PDGFRL: variants seen among roughly 807,000 people sequenced by gnomAD.
PDGFRL encodes the protein platelet-derived growth factor receptor-like protein.
In PDGFRL, 46 loss-of-function variants were observed where a neutral mutation model predicts 37.2. The ratio of observed to expected loss-of-function variants is 1.24; its 90% CI spans 0.98 to 1.58. The LOEUF (loss-of-function observed/expected upper bound fraction) is 1.58, where lower values mean the gene tolerates loss of function less well. Among genes scored for constraint, PDGFRL ranks in the 40% most tolerant of loss-of-function variants. The pLI is 0.00. For missense variants in PDGFRL, 692 were observed against 467.6 expected, an observed-to-expected ratio of 1.48 and a Z score of -4.43; for synonymous variants, 251 against 184.3, an observed-to-expected ratio of 1.36 and a Z score of -2.93.
At chr8:17,578,597 T>C (rs557593508) in intron 1 of PDGFRL, among the ~76,000 whole-genome samples, 1 of 152,290 alleles carries the variant, frequency 6.6e-6, no homozygotes, top group South Asian at 2.1e-4. Context: ...AAATGTAATT[T>C]GTAGTATCAT....
At chr8:17,621,776 CT>C (rs1361897672) in intron 3 of PDGFRL, among the ~76,000 whole-genome samples, 1 of 152,136 alleles carries the variant, frequency 6.6e-6, no homozygotes, top group Non-Finnish European at 1.5e-5. Flanking sequence ...TGACCATCTT[CT>C]TTTTGGAAAC....
chr8:17,599,110 A>G lies in PDGFRL; in HGVS notation c.353+9345A>G, dbSNP rs535325528. ...CCTTCTCCCTCTTTATCCACATTGC[A>G]CCTTTATGTCTTTACTTCTCTCTCT... On this transcript the variant is annotated intron_variant, in intron 2 of 5. Transcript: ENST00000251630. 3.5e-4 allele frequency among the ~76,000 whole-genome samples: 53 copies of G among 152,186 alleles called. 1 individual carries two copies. The highest frequency in any genetic ancestry group is 6.9e-4 in the Non-Finnish European group (47 of 67,996).
At chr8:17,606,321 T>C (rs1227694557) in intron 2 of PDGFRL, among the ~76,000 whole-genome samples, 1 of 152,198 alleles carries the variant, frequency 6.6e-6, no homozygotes, top group African/African-American at 2.4e-5. Flanking sequence ...CGAACTCACT[T>C]TCCTCCAAAG....
At chr8:17,628,148 C>T (rs567638154) in intron 3 of PDGFRL, among the ~76,000 whole-genome samples, 1,714 of 148,986 alleles carry the variant, frequency 0.012, 11 homozygotes, top group Non-Finnish European at 0.018. Context: ...CGCCCGCCAC[C>T]ATGCCCGGCT....
chr8:17,632,940 C>G (rs1025409042), intron 4 of PDGFRL, among the ~76,000 whole-genome samples: 1 of 152,212 alleles, frequency 6.6e-6, no homozygotes, highest in African/African-American at 2.4e-5. Context: ...CTTCCTGGCT[C>G]TCAGACTGTT....
At chr8:17,585,966 T>C (rs1803806401) in intron 1 of PDGFRL, among the ~76,000 whole-genome samples, 1 of 152,132 alleles carries the variant, frequency 6.6e-6, no homozygotes, top group South Asian at 2.1e-4. Flanking sequence ...TTTTTCTTTT[T>C]TTTGAGACAG....
Position 17,589,742 on chromosome 8 carries a change from C to A in PDGFRL, c.330C>A (p.Asp110Glu), listed in dbSNP as rs1173297581. The change falls in exon 2 of 6, where the codon GAC (aspartate) becomes GAA (glutamate). Residue 110 changes from aspartate (D) to glutamate (E), a missense_variant. Coordinates refer to ENST00000251630, the MANE Select transcript of PDGFRL (RefSeq NM_001372073.1). ...RIGWSYPAYL[D>E]TFKDSRLSVK... ...GGTGGAGCTACCCTGCGTATCTGGA[C>A]ACCTTTAAGGATTCTCGCCTCAGGT... The A allele has an allele frequency of 1.2e-6, 2 of 1,610,588 alleles. No individual in the cohort carries two copies. The highest frequency in any genetic ancestry group is 1.7e-6 in the Non-Finnish European group (2 of 1,177,608).
chr8:17,582,835 G>T (rs1803735823), intron 1 of PDGFRL, among the ~76,000 whole-genome samples: 1 of 152,060 alleles, frequency 6.6e-6, no homozygotes, highest in African/African-American at 2.4e-5. Context: ...TCTTTGAGGA[G>T]CCCCTCCCAT....
chr8:17,603,204 G>T (rs1370875887), intron 2 of PDGFRL, among the ~76,000 whole-genome samples: 1 of 152,126 alleles, frequency 6.6e-6, no homozygotes, highest in Non-Finnish European at 1.5e-5. Flanking sequence ...GGCTTGTGTT[G>T]AACTGTTGAC....
intron 1 of PDGFRL, among the ~76,000 whole-genome samples, chr8:17,579,657 G>C (rs973028345): frequency 2.6e-5 from 4 of 151,662 alleles, no homozygotes; most frequent in African/African-American, 9.7e-5. Flanking sequence ...ACTTCCACTT[G>C]TGCTAGCCAC....
Position 17,591,542 on chromosome 8 carries a change from G to A in PDGFRL, c.353+1777G>A, listed in dbSNP as rs1000522177. 5.3e-5 allele frequency among the ~76,000 whole-genome samples: 8 copies of A among 152,262 alleles called. No individual in the cohort carries two copies. In the East Asian group the frequency reaches 7.7e-4, roughly 15 times the overall value. ...TAAGATTCTTTCTGGCCCTATTTCC[G>A]TATATGATGGAGAAATAGGATGGAC... On this transcript the variant is annotated intron_variant, in intron 2 of 5. Transcript: ENST00000251630.
At chr8:17,582,957 C>G (rs551219213) in intron 1 of PDGFRL, among the ~76,000 whole-genome samples, 36 of 152,256 alleles carry the variant, frequency 2.4e-4, no homozygotes, top group Admixed American at 1.9e-3. Context: ...TGCACCAGCT[C>G]TAGCCTTCAC....
chr8:17,640,734 C>T (rs568688616), intron 5 of PDGFRL, among the ~76,000 whole-genome samples: 1 of 152,016 alleles, frequency 6.6e-6, no homozygotes, highest in African/African-American at 2.4e-5. Flanking sequence ...GTTTATTGCA[C>T]TAGTTTTGTG....
intron 2 of PDGFRL, among the ~76,000 whole-genome samples, chr8:17,613,902 C>G (rs1804471760): frequency 1.3e-5 from 2 of 152,146 alleles, no homozygotes; most frequent in Non-Finnish European, 2.9e-5. Flanking sequence ...GATAATAATA[C>G]AGAGGAATCT....
At chr8:17,591,991 C>T (rs1803950685) in intron 2 of PDGFRL, among the ~76,000 whole-genome samples, 1 of 152,110 alleles carries the variant, frequency 6.6e-6, no homozygotes, top group African/African-American at 2.4e-5. Flanking sequence ...TTTATATTTC[C>T]ACACAAACTG....
At position 17,642,974 on chromosome 8, in the gene PDGFRL, A is replaced by C; in HGVS notation, c.*173A>C. 3.6e-6 allele frequency: 2 copies of C among 554,754 alleles called. No individual in the cohort carries two copies. The highest frequency in any genetic ancestry group is 6.3e-6 in the Non-Finnish European group (2 of 317,204). 34.4% of individuals were successfully genotyped at this position (554,754 alleles called of 1,614,324 possible). ...AAACTAAAAGGAAGTCATCCAGTCT[A>C]TTCACAGAAGTGTTAACTTTTCTAA... is the stretch of plus-strand genomic sequence containing the variant. On this transcript the variant is annotated 3_prime_UTR_variant, in exon 6 of 6. Transcript: ENST00000251630.
chr8:17,632,914 C>A (rs1194682618), intron 4 of PDGFRL, among the ~76,000 whole-genome samples: 1 of 152,226 alleles, frequency 6.6e-6, no homozygotes, highest in East Asian at 1.9e-4. Flanking sequence ...TCAAACAGCG[C>A]TTCCTCAAGG....
intron 5 of PDGFRL, among the ~76,000 whole-genome samples, chr8:17,637,622 GT>G: frequency 6.6e-6 from 1 of 152,230 alleles, no homozygotes; most frequent in South Asian, 2.1e-4. Context: ...TCTCTGTCTT[GT>G]GAAATAATGT....
chr8:17,633,616 G>A (rs1222878198), intron 4 of PDGFRL, among the ~76,000 whole-genome samples: 2 of 152,178 alleles, frequency 1.3e-5, no homozygotes, highest in Non-Finnish European at 2.9e-5. Flanking sequence ...GACCCAGGTA[G>A]CACTCATGCC....
Sources: allele counts gnomAD v4.1 joint callset (sites outside exome capture counted in the v4.1 genomes callset), GRCh38; gene constraint gnomAD v4.1.1; transcripts MANE v1.5; gene names NCBI Gene and HGNC (gene_info 2026-07-23, HGNC 2026-07-21).